Variants in DYNC1I1 observed in about 807,000 individuals in gnomAD.
DYNC1I1 encodes the protein cytoplasmic dynein 1 intermediate chain 1.
DYNC1I1 carries 43 observed loss-of-function variants against 86.6 expected under a neutral mutation model. The observed-to-expected ratio is 0.50, with a 90% CI of 0.39 to 0.64. The LOEUF (loss-of-function observed/expected upper bound fraction) is 0.64, where lower values mean the gene tolerates loss of function less well. Ranked by LOEUF, DYNC1I1 falls within the 30% of genes least tolerant of loss-of-function variation. The pLI, the probability that DYNC1I1 is intolerant of heterozygous loss-of-function variation, is 0.00. For missense variants in DYNC1I1, 604 were observed against 788.8 expected (o/e 0.77, Z 2.81); for synonymous variants, 262 against 283.7 (o/e 0.92, Z 0.77).
chr7:95,893,412 C>G (rs1167614429), intron 6 of DYNC1I1, among the ~76,000 whole-genome samples: 3 of 152,266 alleles, frequency 2.0e-5, no homozygotes, highest in African/African-American at 7.2e-5. Flanking sequence ...AGAAATGATA[C>G]TATATTAAAG....
At chr7:95,979,778 C>T (rs1425528175) in intron 7 of DYNC1I1, among the ~76,000 whole-genome samples, 6 of 152,100 alleles carry the variant, frequency 3.9e-5, no homozygotes, top group Non-Finnish European at 8.8e-5. Flanking sequence ...TTAACAGTGG[C>T]ATCCACAGAA....
Position 96,015,051 on chromosome 7 carries a change from A to G in DYNC1I1, c.970-13124A>G, listed in dbSNP as rs138948619. Among the ~76,000 whole-genome samples, 486 of 152,282 alleles carry G rather than the reference A, an allele frequency of 3.2e-3. 1 individual carries two copies. The highest frequency in any genetic ancestry group is 5.4e-3 in the Non-Finnish European group (365 of 68,022). ...GAATCTCACCAATCAACAATTCCAA[A>G]GATAAAAGACACATCATCACAAGTC... On this transcript the variant is annotated intron_variant, in intron 10 of 16. Coordinates refer to ENST00000447467, the MANE Select transcript of DYNC1I1 (RefSeq NM_001135556.2).
intron 4 of DYNC1I1, among the ~76,000 whole-genome samples, chr7:95,822,870 G>C (rs533223794): frequency 1.3e-5 from 2 of 152,206 alleles, no homozygotes; most frequent in Non-Finnish European, 2.9e-5. Flanking sequence ...GGCTAGGTTG[G>C]TCATCCCAGG....
chr7:95,798,923 C>T (rs1042330378), intron 1 of DYNC1I1, among the ~76,000 whole-genome samples: 1 of 152,200 alleles, frequency 6.6e-6, no homozygotes, highest in African/African-American at 2.4e-5. Flanking sequence ...ATTTTCCTTT[C>T]TCTATGGATA....
At chr7:96,033,536 A>G (rs1227411631) in intron 12 of DYNC1I1, among the ~76,000 whole-genome samples, 1 of 152,154 alleles carries the variant, frequency 6.6e-6, no homozygotes, top group Non-Finnish European at 1.5e-5. Context: ...CTATCCTCCA[A>G]CCAAAAACAA....
At position 96,047,319 on chromosome 7, in the gene DYNC1I1, G is replaced by A. The variant is rs189512102; in HGVS notation, c.1509+7898G>A. Among the ~76,000 whole-genome samples, 161 of 152,258 alleles carry A rather than the reference G, an allele frequency of 1.1e-3. 1 individual carries two copies. Among genetic ancestry groups the A allele is most frequent in the Admixed American group, 9.7e-3 (148 of 15,298 alleles). ...GACAGCGTAATACTGAAGCTCAGGG[G>A]CAAAGGATGAGTTAGAAATATAGAT... On this transcript the variant is annotated intron_variant, in intron 14 of 16. Transcript: ENST00000447467.
At chr7:95,903,636 C>G (rs1199743978) in intron 6 of DYNC1I1, among the ~76,000 whole-genome samples, 1 of 152,198 alleles carries the variant, frequency 6.6e-6, no homozygotes, top group Non-Finnish European at 1.5e-5. Flanking sequence ...TTTATTAGCA[C>G]CACAATTCAT....
chr7:96,020,973 G>A (rs950559921), intron 10 of DYNC1I1, among the ~76,000 whole-genome samples: 9 of 152,070 alleles, frequency 5.9e-5, no homozygotes, highest in African/African-American at 2.2e-4. Flanking sequence ...TAGAATGGTG[G>A]TTACCAGAGC....
At chr7:96,076,943 C>A (rs1164663141) in intron 15 of DYNC1I1, among the ~76,000 whole-genome samples, 2 of 152,080 alleles carry the variant, frequency 1.3e-5, no homozygotes, top group African/African-American at 4.8e-5. Flanking sequence ...TTTTGCCAGT[C>A]TAGCAAAATT....
At chr7:95,925,437 A>T (rs1291867773) in intron 6 of DYNC1I1, among the ~76,000 whole-genome samples, 6 of 152,170 alleles carry the variant, frequency 3.9e-5, no homozygotes, top group African/African-American at 1.4e-4. Context: ...GTGTCAACTT[A>T]CAGCTTAGTA....
At chr7:95,813,788 C>T (rs1794886706) in intron 4 of DYNC1I1, among the ~76,000 whole-genome samples, 1 of 152,078 alleles carries the variant, frequency 6.6e-6, no homozygotes, top group South Asian at 2.1e-4. Flanking sequence ...GTAAAGTTGA[C>T]TAATTTGAAA....
intron 14 of DYNC1I1, among the ~76,000 whole-genome samples, chr7:96,060,927 C>G (rs1159187564): frequency 6.6e-6 from 1 of 152,022 alleles, no homozygotes; most frequent in African/African-American, 2.4e-5. Context: ...CAAAATGGAA[C>G]ACCGAAAAAG....
chr7:95,781,635 A>G (rs919467829), intron 1 of DYNC1I1, among the ~76,000 whole-genome samples: 2 of 152,124 alleles, frequency 1.3e-5, no homozygotes, highest in Non-Finnish European at 2.9e-5. Context: ...AACACTGTCA[A>G]CACCACCGCT....
chr7:96,102,586 T>C (rs995039488), downstream of DYNC1I1, among the ~76,000 whole-genome samples: 3 of 152,222 alleles, frequency 2.0e-5, no homozygotes, highest in East Asian at 3.8e-4. Flanking sequence ...CTAAGAATAC[T>C]GCTCTGGTGC....
At chr7:95,940,000 C>T (rs1792159033) in intron 6 of DYNC1I1, among the ~76,000 whole-genome samples, 1 of 152,056 alleles carries the variant, frequency 6.6e-6, no homozygotes. Flanking sequence ...CTGGTGGTGA[C>T]AAAATCTCTC....
chr7:95,774,715 G>T (rs919527662), intron 1 of DYNC1I1, among the ~76,000 whole-genome samples: 1 of 152,104 alleles, frequency 6.6e-6, no homozygotes, highest in African/African-American at 2.4e-5. Flanking sequence ...TTTAATAAAT[G>T]AGCCTTGCCT....
At chr7:95,975,115 A>G (rs1453015897) in intron 6 of DYNC1I1, among the ~76,000 whole-genome samples, 1 of 152,190 alleles carries the variant, frequency 6.6e-6, no homozygotes, top group East Asian at 1.9e-4. Flanking sequence ...CTAAGTTCTG[A>G]TAAATAAATT....
At chr7:95,929,631 C>T (rs1420763695) in intron 6 of DYNC1I1, among the ~76,000 whole-genome samples, 1 of 152,166 alleles carries the variant, frequency 6.6e-6, no homozygotes, top group Non-Finnish European at 1.5e-5. Context: ...TGAAACCAGT[C>T]TTCAGATCAA....
At chr7:96,001,725 A>T (rs372681661) in intron 10 of DYNC1I1, among the ~76,000 whole-genome samples, 1 of 152,116 alleles carries the variant, frequency 6.6e-6, no homozygotes, top group Non-Finnish European at 1.5e-5. Flanking sequence ...GATGTCTCTT[A>T]TAAGGACACT....
Sources: allele counts gnomAD v4.1 joint callset (sites outside exome capture counted in the v4.1 genomes callset), GRCh38; gene constraint gnomAD v4.1.1; transcripts MANE v1.5; gene names NCBI Gene and HGNC (gene_info 2026-07-23, HGNC 2026-07-21).